SH3RF3: variants seen among roughly 807,000 people sequenced by gnomAD.
The protein encoded by SH3RF3 is SH3 domain containing ring finger 3.
In SH3RF3, 29 loss-of-function variants were observed where a neutral mutation model predicts 66.3. That is an observed-to-expected ratio of 0.44 (90% CI 0.33 to 0.60). The LOEUF is 0.60. Ranked by LOEUF, SH3RF3 falls within the 20% of genes least tolerant of loss-of-function variation. SH3RF3 has a pLI of 0.04. For synonymous variants in SH3RF3, 583 were observed against 532.0 expected (o/e 1.10, Z -1.32); for missense variants, 1,194 against 1,190.9 (o/e 1.00, Z -0.04).
intron 1 of SH3RF3, among the ~76,000 whole-genome samples, chr2:109,333,883 T>C (rs1682343349): frequency 6.6e-6 from 1 of 152,198 alleles, no homozygotes; most frequent in Non-Finnish European, 1.5e-5. Flanking sequence ...AATAATGATA[T>C]CACCAAAATA....
intron 3 of SH3RF3, among the ~76,000 whole-genome samples, chr2:109,392,717 G>A (rs1324837865): frequency 1.3e-5 from 2 of 151,940 alleles, no homozygotes; most frequent in African/African-American, 2.4e-5. Context: ...GGGTTTCACC[G>A]TGTTAGCCAG....
intron 1 of SH3RF3, among the ~76,000 whole-genome samples, chr2:109,341,706 T>C (rs1682556239): frequency 6.6e-6 from 1 of 152,180 alleles, no homozygotes; most frequent in Admixed American, 6.5e-5. Flanking sequence ...ATGGAAAAAC[T>C]GGCCCACCCT....
intron 4 of SH3RF3, among the ~76,000 whole-genome samples, chr2:109,405,790 G>T (rs1040791567): frequency 1.3e-5 from 2 of 152,200 alleles, no homozygotes; most frequent in Non-Finnish European, 2.9e-5. Flanking sequence ...TATTATTTGT[G>T]TGTATGGCCA....
At position 109,318,100 on chromosome 2, in the gene SH3RF3, CA is replaced by C. The variant is rs3054730; in HGVS notation, c.574-29563del. Among the ~76,000 whole-genome samples, 81 of 134,474 alleles carry C rather than the reference CA, an allele frequency of 6.0e-4. No individual in the cohort carries two copies. In the East Asian group the frequency reaches 7.5e-3, roughly 12 times the overall value. The allele number at this position is 134,474 out of a possible 152,430, so 88.2% of individuals were successfully genotyped here. A position where few individuals can be genotyped will look rare whatever the true frequency, so the allele number is the denominator to read the frequency against. On this transcript the variant is annotated intron_variant, in intron 1 of 9. Coordinates refer to ENST00000309415, the MANE Select transcript of SH3RF3 (RefSeq NM_001099289.3). ...CATGAGCACGCTGAATTTCAGTACGCAAAAAAAAAAAGCCCCCTTTAAGCAG... is the reference window on the plus strand; with the variant it reads ...CATGAGCACGCTGAATTTCAGTACGCAAAAAAAAAAGCCCCCTTTAAGCAG...
At chr2:109,499,334 C>A (rs886937277) in intron 9 of SH3RF3, among the ~76,000 whole-genome samples, 18 of 152,208 alleles carry the variant, frequency 1.2e-4, no homozygotes, top group Admixed American at 9.2e-4. Flanking sequence ...TCTGAGGGAC[C>A]GTCAGCCAGG....
intron 3 of SH3RF3, among the ~76,000 whole-genome samples, chr2:109,375,308 T>C (rs1166552524): frequency 6.6e-6 from 1 of 152,194 alleles, no homozygotes; most frequent in Non-Finnish European, 1.5e-5. Context: ...CAAAAGGAAG[T>C]GAGAAACTCT....
At chr2:109,166,221 G>A (rs933237885) in intron 1 of SH3RF3, among the ~76,000 whole-genome samples, 17 of 152,160 alleles carry the variant, frequency 1.1e-4, no homozygotes, top group African/African-American at 3.9e-4. Flanking sequence ...GCTTATGCCT[G>A]TCATCCCAGC....
chr2:109,134,798 C>T (rs940774698), intron 1 of SH3RF3, among the ~76,000 whole-genome samples: 27 of 152,164 alleles, frequency 1.8e-4, no homozygotes, highest in African/African-American at 6.5e-4. Context: ...CCGTGCCTCA[C>T]GGCTGCAGAT....
At position 109,129,983 on chromosome 2, in the gene SH3RF3, C is replaced by A. The variant is rs923898693; in HGVS notation, c.443C>A (p.Thr148Lys). The change falls in exon 1 of 10, where the codon ACG (threonine) becomes AAG (lysine). Residue 148 changes from threonine to lysine, a missense_variant. Physicochemically the swap from Thr to Lys is moderately conservative, Grantham distance 78 (BLOSUM62 -1). Transcript: ENST00000309415. The stretch of plus-strand genomic sequence containing the variant: ...ATCCCAGGCCAGAGTGCGGCCCCCA[C>A]GCTCGCGGGCGGCGGGGGCGGCGCG... ...RPIPGQSAAP[T>K]LAGGGGGAAG... is the part of the protein sequence containing the mutation. The A allele has an allele frequency of 3.8e-6, 5 of 1,300,548 alleles. No individual in the cohort carries two copies. Among genetic ancestry groups the A allele is most frequent in the Non-Finnish European group, 4.9e-6 (5 of 1,029,262 alleles). The allele number at this position is 1,300,548 out of a possible 1,614,324, so 80.6% of individuals were successfully genotyped here. A position where few individuals can be genotyped will look rare whatever the true frequency, so the allele number is the denominator to read the frequency against.
intron 2 of SH3RF3, among the ~76,000 whole-genome samples, chr2:109,361,862 A>G (rs1683056155): frequency 6.6e-6 from 1 of 152,242 alleles, no homozygotes; most frequent in Non-Finnish European, 1.5e-5. Flanking sequence ...ATTTGTGGAC[A>G]TAGCATTATT....
intron 7 of SH3RF3, among the ~76,000 whole-genome samples, chr2:109,438,857 G>T (rs917966170): frequency 6.6e-6 from 1 of 152,184 alleles, no homozygotes; most frequent in Non-Finnish European, 1.5e-5. Context: ...AGGACCAGGG[G>T]AGCAAAAGTC....
At chr2:109,130,761 T>G (rs1676674937) in intron 1 of SH3RF3, among the ~76,000 whole-genome samples, 1 of 152,092 alleles carries the variant, frequency 6.6e-6, no homozygotes, top group Non-Finnish European at 1.5e-5. Flanking sequence ...CGGGGGTCAT[T>G]TATATTTATT....
intron 1 of SH3RF3, among the ~76,000 whole-genome samples, chr2:109,196,257 C>CGCTGCTCTCCTGGGCCCCTGG (rs1678497050): frequency 6.6e-6 from 1 of 152,200 alleles, no homozygotes; most frequent in Non-Finnish European, 1.5e-5. Context: ...CTCCTGCATC[C>CGCTGCTCTCCTGGGCCCCTGG]GCTGCTCTCC....
intron 5 of SH3RF3, among the ~76,000 whole-genome samples, chr2:109,426,884 T>G (rs1351160035): frequency 6.6e-6 from 1 of 152,030 alleles, no homozygotes; most frequent in Non-Finnish European, 1.5e-5. Flanking sequence ...ACTATTCACA[T>G]CAAGACAAGA....
At chr2:109,350,163 C>T (rs1056711627) in intron 2 of SH3RF3, among the ~76,000 whole-genome samples, 2 of 152,216 alleles carry the variant, frequency 1.3e-5, no homozygotes, top group Non-Finnish European at 2.9e-5. Context: ...GGCTTAGACT[C>T]ATTCTGCGGT....
chr2:109,249,629 C>G (rs1242121386), intron 1 of SH3RF3, among the ~76,000 whole-genome samples: 1 of 147,340 alleles, frequency 6.8e-6, no homozygotes, highest in East Asian at 2.0e-4. Flanking sequence ...TTCTTTCTCT[C>G]TCTCTTTCTC....
chr2:109,395,667 A>G (rs6747772), intron 3 of SH3RF3, among the ~76,000 whole-genome samples: 83,770 of 152,046 alleles, frequency 0.55, 23,926 homozygotes, highest in African/African-American at 0.69. Context: ...GGCACAGTGC[A>G]GTCACTTGTG....
At chr2:109,439,072 C>G (rs1677492179) in intron 7 of SH3RF3, among the ~76,000 whole-genome samples, 1 of 152,156 alleles carries the variant, frequency 6.6e-6, no homozygotes, top group South Asian at 2.1e-4. Context: ...TAGAAACGTT[C>G]CCAATTCAAA....
At chr2:109,455,683 T>A (rs1378607744) in intron 8 of SH3RF3, among the ~76,000 whole-genome samples, 1 of 152,194 alleles carries the variant, frequency 6.6e-6, no homozygotes, top group Admixed American at 6.5e-5. Flanking sequence ...TATAAATGTA[T>A]TTCCTCTCGA....
Sources: gnomAD v4.1 joint callset for allele counts (sites outside exome capture counted in the v4.1 genomes callset) on GRCh38, gnomAD v4.1.1 for gene constraint, MANE v1.5 for transcripts, NCBI Gene and HGNC (gene_info 2026-07-23, HGNC 2026-07-21) for gene names.